Variants in CHORDC1 observed in about 807,000 individuals in gnomAD.
The protein encoded by CHORDC1 is cysteine and histidine rich domain containing 1, also known as cysteine and histidine-rich domain-containing protein 1.
In CHORDC1, 25 loss-of-function variants were observed where a neutral mutation model predicts 48.3. That is an observed-to-expected ratio of 0.52 (90% CI 0.38 to 0.72). CHORDC1 has a LOEUF of 0.72. CHORDC1 is among the 30% of genes least tolerant of loss of function. The probability of loss-of-function intolerance (pLI) is 0.00; values close to 1 mark genes in which losing one functional copy is unlikely to be tolerated. For synonymous variants in CHORDC1, 128 were observed against 126.4 expected (o/e 1.01, Z -0.09); for missense variants, 317 against 388.7 (o/e 0.82, Z 1.55).
At chr11:90,207,630 T>TA (rs1280913135) in intron 6 of CHORDC1, 6 of 151,564 alleles carry the variant, frequency 4.0e-5, no homozygotes, top group African/African-American at 1.5e-4. Context: ...TAGAGATAGG[T>TA]AAAAGATTCT....
intron 6 of CHORDC1, among the ~76,000 whole-genome samples, chr11:90,209,804 A>G (rs1254939651): frequency 1.3e-5 from 2 of 152,058 alleles, no homozygotes; most frequent in East Asian, 1.9e-4. Context: ...TCTTCTTCCA[A>G]TTCCACTCCT....
rs71055890 is a variant in CHORDC1 at position 90,207,761 on chromosome 11, C to CAAAAAAAAAAAAAAAAAAAAAAA, written c.493-1490_493-1489insTTTTTTTTTTTTTTTTTTTTTTT. On this transcript the variant is annotated intron_variant, in intron 6 of 10. Coordinates refer to ENST00000320585, the MANE Select transcript of CHORDC1 (RefSeq NM_012124.3). ...TACACACACTAGAATGGTTAAAATA[C>CAAAAAAAAAAAAAAAAAAAAAAA]AAAAAAAAAAAAAAAAACAAAAAAA... 9 of 52,752 alleles carry CAAAAAAAAAAAAAAAAAAAAAAA rather than the reference C, an allele frequency of 1.7e-4. 1 individual carries two copies. Among genetic ancestry groups the CAAAAAAAAAAAAAAAAAAAAAAA allele is most frequent in the South Asian group, 2.1e-3 (2 of 972 alleles). 3.3% of individuals were successfully genotyped at this position (52,752 alleles called of 1,614,324 possible). A position where few individuals can be genotyped will look rare whatever the true frequency, so the allele number is the denominator to read the frequency against.
chr11:90,216,084 TTTAA>T (rs1481890729), intron 2 of CHORDC1, among the ~76,000 whole-genome samples: 2 of 152,150 alleles, frequency 1.3e-5, no homozygotes, highest in African/African-American at 4.8e-5. Context: ...TAATTTGAAA[TTTAA>T]TTATCTTTTA....
chr11:90,205,843 G>A (rs1318153866), intron 7 of CHORDC1: 4 of 452,594 alleles, frequency 8.8e-6, no homozygotes, highest in Non-Finnish European at 1.6e-5. Context: ...GGGTCGTCTT[G>A]GGATAATGTT....
intron 2 of CHORDC1, among the ~76,000 whole-genome samples, chr11:90,215,839 C>T (rs1591058654): frequency 2.0e-5 from 3 of 151,930 alleles, no homozygotes; most frequent in Admixed American, 2.0e-4. Context: ...TCTCTAAATT[C>T]CAATGTTTAT....
intron 4 of CHORDC1, 121 bp from the exon 5 acceptor site, chr11:90,211,439 ATTAAAAGGTTAAAAGGTATT>A: frequency 1.5e-6 from 1 of 679,672 alleles, no homozygotes; most frequent in Non-Finnish European, 2.6e-6. Context: ...AATGATTCCC[ATTAAAAGGTTAAAAGGTATT>A]TTATAAATAA....
intron 8 of CHORDC1, among the ~76,000 whole-genome samples, chr11:90,203,999 C>A (rs1204928191): frequency 6.6e-6 from 1 of 151,916 alleles, no homozygotes; most frequent in Non-Finnish European, 1.5e-5. Context: ...TACTGCCCTA[C>A]CAGTATTTTT....
intron 2 of CHORDC1, 64 bp downstream of exon 2, chr11:90,218,067 TAAAG>T: frequency 8.7e-7 from 1 of 1,152,880 alleles, no homozygotes; most frequent in Non-Finnish European, 1.2e-6. Context: ...GATGAGAAAA[TAAAG>T]ATTTAGTATT....
At chr11:90,219,090 ACC>A (rs1858095256) in intron 1 of CHORDC1, among the ~76,000 whole-genome samples, 1 of 152,008 alleles carries the variant, frequency 6.6e-6, no homozygotes, top group African/African-American at 2.4e-5. Flanking sequence ...ACATGGTGAA[ACC>A]CCGTGTCTAC....
rs748675673 is a variant in CHORDC1 at position 90,223,045 on chromosome 11, C to G, written c.-91G>C. On this transcript the variant is annotated 5_prime_UTR_variant, in exon 1 of 11. Transcript: ENST00000320585. ...TCCCGTGTCGCTAGCACCGGTCTGA[C>G]GACTGAGGCGGCTACCGGCTTCCGG... is the stretch of plus-strand genomic sequence containing the variant. The G allele has an allele frequency of 1.2e-5, 14 of 1,121,270 alleles. No individual in the cohort carries two copies. The highest frequency in any genetic ancestry group is 7.4e-5 in the East Asian group (3 of 40,620). The allele number at this position is 1,121,270 out of a possible 1,614,324, so 69.5% of individuals were successfully genotyped here. A position where few individuals can be genotyped will look rare whatever the true frequency, so the allele number is the denominator to read the frequency against.
chr11:90,212,970 T>G (rs914481386), intron 4 of CHORDC1: 1 of 152,790 alleles, frequency 6.5e-6, no homozygotes, highest in Non-Finnish European at 1.5e-5. Context: ...AAAGAAAAAA[T>G]TAACTCATAC....
intron 8 of CHORDC1, among the ~76,000 whole-genome samples, chr11:90,203,883 G>GA (rs1404894753): frequency 1.3e-5 from 2 of 151,954 alleles, no homozygotes; most frequent in Non-Finnish European, 2.9e-5. Flanking sequence ...CAGAATCTAA[G>GA]AAAAAAATCT....
chr11:90,203,347 T>G lies in CHORDC1; in HGVS notation c.750A>C (p.Ser250=). Residue 250 remains serine (S), a synonymous_variant, in exon 9 of 11, where the codon TCA becomes TCC. Transcript: ENST00000320585. ...CTTCTACTCGGCTAAGTTCTGGAAGTGAGTTTTTAGCATATACTGAAATGG... is the reference window on the plus strand; with the variant it reads ...CTTCTACTCGGCTAAGTTCTGGAAGGGAGTTTTTAGCATATACTGAAATGG... The part of the protein sequence containing the change: ...EVTISVYAKN[S]LPELSRVEAN... The G allele has an allele frequency of 6.3e-7, 1 of 1,599,710 alleles. No individual in the cohort carries two copies. Among genetic ancestry groups the G allele is most frequent in the Non-Finnish European group, 8.5e-7 (1 of 1,170,290 alleles).
In CHORDC1 at chr11:90,203,197, TA is replaced by T. The variant is rs2135025063; in HGVS notation, c.789+110del. On this transcript the variant is annotated intron_variant, in intron 9 of 10. Transcript: ENST00000320585. ...TAATTTTTTTTAATGGGAGTCATTA[TA>T]AAATCTTACCCCCAAATCAGCTGAG... 5.5e-6 allele frequency: 6 copies of T among 1,087,728 alleles called. No individual in the cohort carries two copies. The South Asian group carries it at 1.0e-4, about 19-fold the overall frequency. 67.4% of individuals were successfully genotyped at this position (1,087,728 alleles called of 1,614,324 possible). A position where few individuals can be genotyped will look rare whatever the true frequency, so the allele number is the denominator to read the frequency against.
rs377551273 is a variant in CHORDC1, at chr11:90,204,711, G to GAA, written c.669+747_669+748dup. 1.5e-3 allele frequency among the ~76,000 whole-genome samples: 222 copies of GAA among 144,580 alleles called. 1 individual carries two copies. The highest frequency in any genetic ancestry group is 5.5e-3 in the African/African-American group (216 of 39,550). 94.9% of individuals were successfully genotyped at this position (144,580 alleles called of 152,430 possible). A position where few individuals can be genotyped will look rare whatever the true frequency, so the allele number is the denominator to read the frequency against. On this transcript the variant is annotated intron_variant, in intron 8 of 10. Coordinates refer to ENST00000320585, the MANE Select transcript of CHORDC1 (RefSeq NM_012124.3). ...GCGACAGAGCGAGACTCTGTCTCAA[G>GAA]AAAAAAAAAAGTGGGGGAGGGGCAG...
intron 4 of CHORDC1, chr11:90,213,411 CGAA>C: frequency 7.2e-6 from 5 of 697,640 alleles, no homozygotes; most frequent in African/African-American, 3.5e-5. Context: ...AAGTGTAGCA[CGAA>C]GAAGACCTGG....
At chr11:90,222,812 G>A in intron 1 of CHORDC1, 79 bp downstream of exon 1, 1 of 1,316,922 alleles carries the variant, frequency 7.6e-7, no homozygotes, top group Non-Finnish European at 1.1e-6. Flanking sequence ...CAGGAGATCC[G>A]CGGACACCCT....
chr11:90,205,579 C>T lies in CHORDC1; in HGVS notation c.564-14G>A. The T allele has an allele frequency of 6.8e-7, 1 of 1,460,186 alleles. No homozygotes were observed. Among genetic ancestry groups the T allele is most frequent in the Non-Finnish European group, 9.4e-7 (1 of 1,064,396 alleles). 90.5% of individuals were successfully genotyped at this position (1,460,186 alleles called of 1,614,324 possible). ...CAGTATTTCATCCTTTAAATTATCACAGAAAAACTTCAGAAATAAAATCTC... is the reference window on the plus strand; with the variant it reads ...CAGTATTTCATCCTTTAAATTATCATAGAAAAACTTCAGAAATAAAATCTC... On this transcript the variant is annotated splice_polypyrimidine_tract_variant and intron_variant, in intron 7 of 10. Transcript: ENST00000320585.
intron 5 of CHORDC1, 85 bp downstream of exon 5, chr11:90,211,110 TGCGACTTTTCCCTATTTATA>T: frequency 1.4e-6 from 1 of 705,788 alleles, no homozygotes; most frequent in Non-Finnish European, 2.4e-6. Context: ...AACTACAATG[TGCGACTTTTCCCTATTTATA>T]TGCAGTAAAC....
Sources: gnomAD v4.1 joint callset for allele counts (sites outside exome capture counted in the v4.1 genomes callset) on GRCh38, gnomAD v4.1.1 for gene constraint, MANE v1.5 for transcripts, NCBI Gene and HGNC (gene_info 2026-07-23, HGNC 2026-07-21) for gene names.